CDH11: variants seen among roughly 807,000 people sequenced by gnomAD.
The protein encoded by CDH11 is cadherin 11.
Under a neutral mutation model 67.8 loss-of-function variants are expected in CDH11, and 11 were observed. That is an observed-to-expected ratio of 0.16 (90% confidence interval 0.10 to 0.27). CDH11 has a LOEUF of 0.27. Among genes scored for constraint, CDH11 ranks in the 10% least tolerant of loss-of-function variants. The pLI is 1.00. For synonymous variants in CDH11, 419 were observed against 400.0 expected (o/e 1.05, Z -0.57); for missense variants, 847 against 1,031.2 (o/e 0.82, Z 2.45).
chr16:65,100,542 T>A (rs1178329768), intron 1 of CDH11, among the ~76,000 whole-genome samples: 1 of 151,722 alleles, frequency 6.6e-6, no homozygotes, highest in Non-Finnish European at 1.5e-5. Flanking sequence ...ATCGAGACCA[T>A]CCTGGTTGAC....
intron 1 of CDH11, among the ~76,000 whole-genome samples, chr16:65,097,936 T>A (rs910043428): frequency 3.9e-5 from 6 of 152,134 alleles, no homozygotes; most frequent in Non-Finnish European, 7.3e-5. Context: ...AATGACAATC[T>A]AACCAGAAAC....
chr16:64,990,542 T>TACACATCTGTACATACATAGACAG (rs59026190), intron 6 of CDH11, among the ~76,000 whole-genome samples: 23,308 of 151,760 alleles, frequency 0.15, 2,342 homozygotes, highest in East Asian at 0.41. Flanking sequence ...TGTCCATTCA[T>TACACATCTGTACATACATAGACAG]ACACATCTGT....
chr16:65,078,547 C>T (rs80183880), intron 1 of CDH11, among the ~76,000 whole-genome samples: 1 of 152,184 alleles, frequency 6.6e-6, no homozygotes, highest in Admixed American at 6.5e-5. Flanking sequence ...CCCCATCACA[C>T]TGCAAGAAGC....
rs754745285 is a variant in CDH11 at position 64,950,976 on chromosome 16, C to T, written c.1685G>A (p.Arg562Gln). The T allele has an allele frequency of 6.2e-7, 1 of 1,614,070 alleles. No homozygotes were observed. Among genetic ancestry groups the T allele is most frequent in the Non-Finnish European group, 8.5e-7 (1 of 1,180,022 alleles). ...GVYARRGGFS[R>Q]QKQDLYLLPI... ...CAGAAGGTACAAGTCCTGCTTCTGC[C>T]GACTGAACCCTCCACGCCGGGCGTA... The change falls in exon 12 of 13, where the codon CGG becomes CAG. Residue 562 changes from arginine (R) to glutamine (Q), a missense_variant. Transcript: ENST00000268603.
intron 12 of CDH11, chr16:64,948,471 G>A: frequency 1.3e-6 from 1 of 764,018 alleles, no homozygotes; most frequent in Admixed American, 2.4e-5. Flanking sequence ...GCAAAGGAAG[G>A]TAGCTGTTTT....
chr16:65,077,127 C>T (rs1355773786), intron 1 of CDH11, among the ~76,000 whole-genome samples: 1 of 152,136 alleles, frequency 6.6e-6, no homozygotes, highest in Non-Finnish European at 1.5e-5. Context: ...AAAGAAAAAT[C>T]CTATTAGCTT....
At chr16:65,061,750 C>A (rs916129847) in intron 1 of CDH11, among the ~76,000 whole-genome samples, 1 of 152,138 alleles carries the variant, frequency 6.6e-6, no homozygotes, top group Non-Finnish European at 1.5e-5. Flanking sequence ...TTTCTCTATC[C>A]CCCAGGAGCT....
intron 9 of CDH11, 80 bp downstream of exon 9, chr16:64,972,824 C>G: frequency 6.9e-7 from 1 of 1,451,118 alleles, no homozygotes; most frequent in Non-Finnish European, 9.5e-7. Flanking sequence ...TCTATCTCAG[C>G]TATTTTACTT....
chr16:65,113,648 T>C (rs1441161220), intron 1 of CDH11, among the ~76,000 whole-genome samples: 1 of 151,786 alleles, frequency 6.6e-6, no homozygotes, highest in Non-Finnish European at 1.5e-5. Context: ...CAGATGGGAG[T>C]GATGAGGATG....
intron 9 of CDH11, 34 bp downstream of exon 9, chr16:64,972,870 A>C: frequency 6.2e-7 from 1 of 1,607,758 alleles, no homozygotes; most frequent in African/African-American, 1.3e-5. Flanking sequence ...AATACTTGGT[A>C]AAGTAGAATC....
chr16:65,036,677 A>T (rs2073761479), intron 2 of CDH11, among the ~76,000 whole-genome samples: 2 of 152,166 alleles, frequency 1.3e-5, no homozygotes, highest in South Asian at 4.1e-4. Flanking sequence ...CTACTAAGAC[A>T]GACCTATTGC....
chr16:64,964,032 TAA>T (rs1270033972), intron 11 of CDH11, among the ~76,000 whole-genome samples: 1 of 152,172 alleles, frequency 6.6e-6, no homozygotes, highest in African/African-American at 2.4e-5. Context: ...GAAGAAGGAA[TAA>T]GTGATGAAGA....
intron 6 of CDH11, among the ~76,000 whole-genome samples, chr16:64,989,394 A>G (rs1170264001): frequency 6.6e-6 from 1 of 152,170 alleles, no homozygotes; most frequent in Non-Finnish European, 1.5e-5. Flanking sequence ...GTGGGTGATA[A>G]GCAGAAAGAG....
chr16:65,018,679 C>G (rs768062234), intron 2 of CDH11, among the ~76,000 whole-genome samples: 1 of 152,188 alleles, frequency 6.6e-6, no homozygotes, highest in South Asian at 2.1e-4. Context: ...ATTACTTCAG[C>G]CTTTTATTAG....
intron 1 of CDH11, among the ~76,000 whole-genome samples, chr16:65,071,238 T>C (rs1454451143): frequency 6.6e-6 from 1 of 152,120 alleles, no homozygotes; most frequent in Non-Finnish European, 1.5e-5. Flanking sequence ...AACGATTCCA[T>C]ACAATGCCAC....
intron 11 of CDH11, among the ~76,000 whole-genome samples, chr16:64,955,319 A>C (rs1415528347): frequency 6.6e-6 from 1 of 152,132 alleles, no homozygotes; most frequent in African/African-American, 2.4e-5. Context: ...GCGCATGCCT[A>C]TAATTCCAGT....
At position 65,004,842 on chromosome 16, in the gene CDH11, C is replaced by T. The variant is rs377191094; in HGVS notation, c.28G>A (p.Ala10Thr). 1.9e-4 allele frequency: 303 copies of T among 1,560,100 alleles called. No individual in the cohort carries two copies. The highest frequency in any genetic ancestry group is 2.4e-4 in the Non-Finnish European group (282 of 1,152,148). Residue 10 changes from alanine to threonine, a missense_variant, in exon 3 of 13, where the codon GCC becomes ACC. By Grantham distance (58) the Ala-to-Thr change is moderately conservative. Transcript: ENST00000268603. ...CACAGCATGCCCAGGCACACCAGGGCGGCTTGTAAACAGTAGTTCTCCTTC... is the reference window on the plus strand; with the variant it reads ...CACAGCATGCCCAGGCACACCAGGGTGGCTTGTAAACAGTAGTTCTCCTTC... MKENYCLQA[A>T]LVCLGMLCHS... is the part of the protein sequence containing the mutation.
At chr16:65,096,235 A>G (rs2074888078) in intron 1 of CDH11, among the ~76,000 whole-genome samples, 1 of 152,122 alleles carries the variant, frequency 6.6e-6, no homozygotes, top group East Asian at 1.9e-4. Flanking sequence ...CCCTCATCAG[A>G]CACAGAATCT....
intron 7 of CDH11, chr16:64,985,254 T>C (rs1169981456): frequency 1.3e-5 from 2 of 152,184 alleles, no homozygotes; most frequent in African/African-American, 2.4e-5. Flanking sequence ...GAGGTATTTA[T>C]TGTTTTCTAA....
Sources: allele counts gnomAD v4.1 joint callset (sites outside exome capture counted in the v4.1 genomes callset), GRCh38; gene constraint gnomAD v4.1.1; transcripts MANE v1.5; gene names NCBI Gene and HGNC (gene_info 2026-07-23, HGNC 2026-07-21).